Variants in ROBO1 observed in about 807,000 individuals in gnomAD.
The protein encoded by ROBO1 is roundabout guidance receptor 1, also known as roundabout homolog 1.
Under a neutral mutation model 195.9 loss-of-function variants are expected in ROBO1, and 149 were observed. The ratio of observed to expected loss-of-function variants is 0.76; its 90% CI spans 0.67 to 0.87. The LOEUF (loss-of-function observed/expected upper bound fraction) is 0.87, where lower values mean the gene tolerates loss of function less well. Ranked by LOEUF, ROBO1 falls within the 40% of genes least tolerant of loss-of-function variation. The pLI is 0.00. For synonymous variants in ROBO1, 816 were observed against 733.2 expected (o/e 1.11, Z -1.82); for missense variants, 1,933 against 2,068.3 (o/e 0.93, Z 1.27).
intron 1 of ROBO1, among the ~76,000 whole-genome samples, chr3:79,667,687 A>T (rs1027573541): frequency 1.3e-5 from 2 of 151,814 alleles, no homozygotes; most frequent in African/African-American, 2.4e-5. Flanking sequence ...GGATATAAAG[A>T]TATCAGAGAT....
intron 4 of ROBO1, among the ~76,000 whole-genome samples, chr3:78,897,254 T>C (rs540159294): frequency 4.3e-4 from 65 of 152,288 alleles, no homozygotes; most frequent in African/African-American, 1.5e-3. Context: ...ACTCAATTAG[T>C]TCACAGGCTC....
At chr3:79,444,641 A>AAAAGAAAT (rs1228638492) in intron 2 of ROBO1, among the ~76,000 whole-genome samples, 2 of 152,160 alleles carry the variant, frequency 1.3e-5, no homozygotes, top group African/African-American at 2.4e-5. Context: ...CTTGAGCACC[A>AAAAGAAAT]GTAGATAAAT....
chr3:79,106,803 T>C (rs2079790389), intron 3 of ROBO1, among the ~76,000 whole-genome samples: 1 of 151,668 alleles, frequency 6.6e-6, no homozygotes, highest in Non-Finnish European at 1.5e-5. Flanking sequence ...ATTCATTATC[T>C]GAGTATCCAA....
chr3:79,335,051 A>T (rs1320278974), intron 2 of ROBO1, among the ~76,000 whole-genome samples: 1 of 152,168 alleles, frequency 6.6e-6, no homozygotes, highest in Non-Finnish European at 1.5e-5. Context: ...TGGGAGGTTG[A>T]GGTTGCCATG....
intron 4 of ROBO1, among the ~76,000 whole-genome samples, chr3:78,754,475 A>C (rs1427060457): frequency 6.6e-6 from 1 of 152,188 alleles, no homozygotes; most frequent in South Asian, 2.1e-4. Flanking sequence ...AATCAAAGAA[A>C]TATGCTTCTG....
chr3:79,567,935 A>T (rs1340343507), intron 2 of ROBO1, among the ~76,000 whole-genome samples: 1 of 152,180 alleles, frequency 6.6e-6, no homozygotes, highest in Non-Finnish European at 1.5e-5. Context: ...TTCTAAAAAA[A>T]GTATGGATTT....
chr3:79,339,683 T>A (rs1194876517), intron 2 of ROBO1, among the ~76,000 whole-genome samples: 4 of 152,166 alleles, frequency 2.6e-5, no homozygotes, highest in African/African-American at 9.7e-5. Flanking sequence ...TTTAGTTTTG[T>A]ATTTTCCATC....
chr3:79,113,657 C>G (rs1371520436), intron 3 of ROBO1, among the ~76,000 whole-genome samples: 1 of 152,020 alleles, frequency 6.6e-6, no homozygotes, highest in Non-Finnish European at 1.5e-5. Context: ...ACCCGAGCTA[C>G]TTGGGAGGCT....
At chr3:79,665,071 C>A (rs906510532) in intron 1 of ROBO1, among the ~76,000 whole-genome samples, 4 of 151,536 alleles carry the variant, frequency 2.6e-5, no homozygotes, top group African/African-American at 9.7e-5. Context: ...AATTAGGTTC[C>A]CTTTCTTTAG....
intron 10 of ROBO1, among the ~76,000 whole-genome samples, chr3:78,680,454 G>A (rs1230121691): frequency 1.1e-4 from 17 of 151,968 alleles, no homozygotes; most frequent in East Asian, 9.7e-4. Flanking sequence ...GCTAATATCC[G>A]GAATCTACAA....
intron 1 of ROBO1, among the ~76,000 whole-genome samples, chr3:79,634,281 A>G (rs1945432193): frequency 1.3e-5 from 2 of 152,176 alleles, no homozygotes; most frequent in African/African-American, 4.8e-5. Flanking sequence ...TTGGTTGTCA[A>G]CGGTCAAAGT....
At chr3:78,991,612 T>C (rs977582790) in intron 3 of ROBO1, among the ~76,000 whole-genome samples, 1 of 152,202 alleles carries the variant, frequency 6.6e-6, no homozygotes, top group African/African-American at 2.4e-5. Flanking sequence ...TCCTGTATCC[T>C]GACAGCTGGC....
intron 1 of ROBO1, among the ~76,000 whole-genome samples, chr3:79,638,578 C>A (rs533481359): frequency 1.3e-5 from 2 of 151,932 alleles, no homozygotes; most frequent in African/African-American, 2.4e-5. Flanking sequence ...CCGTGCCCAG[C>A]CTTAATGGTC....
At chr3:79,446,202 T>C (rs1414033137) in intron 2 of ROBO1, among the ~76,000 whole-genome samples, 2 of 152,216 alleles carry the variant, frequency 1.3e-5, no homozygotes, top group African/African-American at 2.4e-5. Flanking sequence ...CTTTAATTTA[T>C]ACAAATCTTT....
chr3:78,719,505 T>C (rs2081990391), intron 5 of ROBO1, among the ~76,000 whole-genome samples: 1 of 152,052 alleles, frequency 6.6e-6, no homozygotes, highest in Non-Finnish European at 1.5e-5. Context: ...ACATTTACCA[T>C]GAATATATGT....
chr3:79,712,890 C>T (rs975314160), intron 1 of ROBO1, among the ~76,000 whole-genome samples: 1 of 152,040 alleles, frequency 6.6e-6, no homozygotes, highest in African/African-American at 2.4e-5. Context: ...AAAACAAAGC[C>T]TAGGTGATAG....
At position 78,661,861 on chromosome 3, in the gene ROBO1, G is replaced by T. The variant is rs1707424070; in HGVS notation, c.2088+132C>A. 1.4e-5 allele frequency: 15 copies of T among 1,079,956 alleles called. No homozygotes were observed. The South Asian group carries it at 2.2e-4, about 16-fold the overall frequency. The allele number at this position is 1,079,956 out of a possible 1,614,324, so 66.9% of individuals were successfully genotyped here. Reference sequence around the variant, plus strand: ...TGTTTAAACCAAACTAATAGCTACTGTAATAAACAGTGCTTACACTATAAA... The same window carrying T: ...TGTTTAAACCAAACTAATAGCTACTTTAATAAACAGTGCTTACACTATAAA... On this transcript the variant is annotated intron_variant, in intron 15 of 30. Coordinates refer to ENST00000464233, the MANE Select transcript of ROBO1 (RefSeq NM_002941.4).
chr3:79,234,437 G>A (rs755943687), intron 2 of ROBO1, among the ~76,000 whole-genome samples: 8 of 152,042 alleles, frequency 5.3e-5, no homozygotes, highest in Admixed American at 2.6e-4. Context: ...TTATTAAATA[G>A]GGAGTCTTTT....
At chr3:79,063,292 GAT>G (rs2078951882) in intron 3 of ROBO1, among the ~76,000 whole-genome samples, 1 of 151,880 alleles carries the variant, frequency 6.6e-6, no homozygotes. Context: ...TGGTTATGAA[GAT>G]AGCTCCGGCA....
Sources: allele counts gnomAD v4.1 joint callset (sites outside exome capture counted in the v4.1 genomes callset), GRCh38; gene constraint gnomAD v4.1.1; transcripts MANE v1.5; gene names NCBI Gene and HGNC (gene_info 2026-07-23, HGNC 2026-07-21).